Variants in SPAG16 observed in about 807,000 individuals in gnomAD.
SPAG16 encodes the protein sperm-associated antigen 16 protein.
Under a neutral mutation model 80.4 loss-of-function variants are expected in SPAG16, and 86 were observed. That is an observed-to-expected ratio of 1.07 (90% CI 0.90 to 1.28). The LOEUF is 1.28. Ranked by LOEUF, SPAG16 falls within the 50% of genes most tolerant of loss-of-function variation. The pLI, the probability that SPAG16 is intolerant of heterozygous loss-of-function variation, is 0.00. For synonymous variants in SPAG16, 294 were observed against 265.9 expected, an observed-to-expected ratio of 1.11 and a Z score of -1.03; for missense variants, 870 against 765.3, an observed-to-expected ratio of 1.14 and a Z score of -1.61.
intron 9 of SPAG16, among the ~76,000 whole-genome samples, chr2:213,474,518 C>G (rs1172184248): frequency 6.6e-6 from 1 of 152,148 alleles, no homozygotes; most frequent in Admixed American, 6.5e-5. Flanking sequence ...AGTCACTTAA[C>G]TCCTTGCCTC....
intron 15 of SPAG16, among the ~76,000 whole-genome samples, chr2:214,311,150 T>C (rs899358708): frequency 9.9e-5 from 15 of 152,096 alleles, no homozygotes; most frequent in Non-Finnish European, 1.9e-4. Flanking sequence ...CACTGTTACC[T>C]GCATTTCCTC....
At chr2:213,308,930 A>AT (rs1485490137) in intron 3 of SPAG16, among the ~76,000 whole-genome samples, 7 of 152,160 alleles carry the variant, frequency 4.6e-5, no homozygotes, top group Admixed American at 2.6e-4. Context: ...AGTTTGACAT[A>AT]TACACTAAGA....
At chr2:214,372,500 T>A (rs894575756) in intron 15 of SPAG16, among the ~76,000 whole-genome samples, 7 of 152,220 alleles carry the variant, frequency 4.6e-5, no homozygotes, top group African/African-American at 1.7e-4. Flanking sequence ...TTAACATTAT[T>A]TGAAATATAT....
At chr2:213,496,030 G>A (rs115253423) in intron 10 of SPAG16, among the ~76,000 whole-genome samples, 3,484 of 152,242 alleles carry the variant, frequency 0.023, 71 homozygotes, top group Middle Eastern at 0.041. Context: ...AGAGGATTTT[G>A]AACAGAAGAA....
At chr2:214,034,982 A>G (rs1186045214) in intron 13 of SPAG16, among the ~76,000 whole-genome samples, 1 of 152,036 alleles carries the variant, frequency 6.6e-6, no homozygotes, top group Non-Finnish European at 1.5e-5. Flanking sequence ...GAATAATTCT[A>G]TTTTTCAAGT....
intron 9 of SPAG16, among the ~76,000 whole-genome samples, chr2:213,454,908 C>A (rs1442168862): frequency 6.6e-6 from 1 of 152,178 alleles, no homozygotes; most frequent in Non-Finnish European, 1.5e-5. Flanking sequence ...TAGACACACA[C>A]CCCTTTTAGA....
chr2:214,260,515 T>A (rs1159028233), intron 15 of SPAG16, among the ~76,000 whole-genome samples: 1 of 151,330 alleles, frequency 6.6e-6, no homozygotes, highest in Non-Finnish European at 1.5e-5. Flanking sequence ...CCTTGGTTCA[T>A]CTGACTACAC....
At chr2:213,637,550 G>T (rs1443517961) in intron 10 of SPAG16, among the ~76,000 whole-genome samples, 1 of 152,142 alleles carries the variant, frequency 6.6e-6, no homozygotes, top group Non-Finnish European at 1.5e-5. Context: ...ATAGAATTCA[G>T]TTGTGCATTC....
At chr2:214,251,734 T>C (rs1181109317) in intron 15 of SPAG16, among the ~76,000 whole-genome samples, 1 of 152,146 alleles carries the variant, frequency 6.6e-6, no homozygotes, top group African/African-American at 2.4e-5. Flanking sequence ...CTTGCTTTGA[T>C]TCACTGCCTC....
chr2:213,879,060 T>C (rs905062341), intron 11 of SPAG16, among the ~76,000 whole-genome samples: 1 of 152,196 alleles, frequency 6.6e-6, no homozygotes, highest in African/African-American at 2.4e-5. Flanking sequence ...AGCTTTGTAG[T>C]ATAATTTGAG....
intron 10 of SPAG16, among the ~76,000 whole-genome samples, chr2:213,530,533 T>C (rs1198727893): frequency 1.3e-5 from 2 of 152,196 alleles, no homozygotes; most frequent in Admixed American, 6.5e-5. Context: ...GCATTTATAA[T>C]GAAAAATGAT....
intron 15 of SPAG16, among the ~76,000 whole-genome samples, chr2:214,357,590 T>A (rs1303756567): frequency 6.6e-6 from 1 of 152,002 alleles, no homozygotes; most frequent in Non-Finnish European, 1.5e-5. Context: ...TTGTATAGTC[T>A]CTTGTTCCTT....
intron 15 of SPAG16, among the ~76,000 whole-genome samples, chr2:214,367,465 A>T (rs573482765): frequency 1.8e-4 from 28 of 152,224 alleles, no homozygotes; most frequent in Non-Finnish European, 2.9e-4. Context: ...AACTTAACTG[A>T]CCCTAATTAG....
Position 214,063,546 on chromosome 2 carries a change from T to C in SPAG16, c.1528-44650T>C, listed in dbSNP as rs998652052. On this transcript the variant is annotated intron_variant, in intron 13 of 15. Coordinates refer to ENST00000331683, the MANE Select transcript of SPAG16 (RefSeq NM_024532.5). Reference sequence around the variant, plus strand: ...CCAGCTTTTTTATCAGGTCACTAATTCCATTCATGAAGGCTCCACCCTTAT... The same window carrying C: ...CCAGCTTTTTTATCAGGTCACTAATCCCATTCATGAAGGCTCCACCCTTAT... Among the ~76,000 whole-genome samples the C allele has an allele frequency of 5.3e-5, 8 of 152,200 alleles. No individual in the cohort carries two copies. The East Asian group carries it at 1.5e-3, about 29-fold the overall frequency.
chr2:213,760,549 T>TA (rs568676032), intron 10 of SPAG16, among the ~76,000 whole-genome samples: 2,151 of 147,592 alleles, frequency 0.015, 39 homozygotes, highest in Middle Eastern at 0.042. Flanking sequence ...TGCAATACAT[T>TA]AAAAAAAAAA....
At chr2:213,579,891 C>T (rs2060247180) in intron 10 of SPAG16, among the ~76,000 whole-genome samples, 1 of 152,102 alleles carries the variant, frequency 6.6e-6, no homozygotes, top group African/African-American at 2.4e-5. Context: ...AAATAAAAAG[C>T]ACAGTTGTGC....
At chr2:213,987,839 A>T (rs2046089262) in intron 12 of SPAG16, among the ~76,000 whole-genome samples, 1 of 147,810 alleles carries the variant, frequency 6.8e-6, no homozygotes, top group Non-Finnish European at 1.5e-5. Context: ...TATATTATAA[A>T]AATATAAAAT....
chr2:213,872,998 C>T (rs545420769), intron 11 of SPAG16, among the ~76,000 whole-genome samples: 133 of 152,090 alleles, frequency 8.7e-4, no homozygotes, highest in African/African-American at 2.7e-3. Flanking sequence ...TTCTTGATGA[C>T]ATTTTTATCT....
At chr2:213,960,877 C>T (rs2044381358) in intron 12 of SPAG16, among the ~76,000 whole-genome samples, 1 of 152,126 alleles carries the variant, frequency 6.6e-6, no homozygotes, top group Non-Finnish European at 1.5e-5. Context: ...AATAGTCAGC[C>T]ACTTCTTTCT....
Sources: gnomAD v4.1 joint callset for allele counts (sites outside exome capture counted in the v4.1 genomes callset) on GRCh38, gnomAD v4.1.1 for gene constraint, MANE v1.5 for transcripts, NCBI Gene and HGNC (gene_info 2026-07-23, HGNC 2026-07-21) for gene names.